The following DOK6 variants were observed in gnomAD, a reference collection of about 807,000 sequenced individuals.
DOK6 encodes downstream of tyrosine kinase 6.
A neutral mutation model predicts 44.0 loss-of-function variants in DOK6; 22 were observed. The ratio of observed to expected loss-of-function variants is 0.50; its 90% CI spans 0.36 to 0.71. The LOEUF (loss-of-function observed/expected upper bound fraction) is 0.71, where lower values mean the gene tolerates loss of function less well. Ranked by LOEUF, DOK6 falls within the 30% of genes least tolerant of loss-of-function variation. The pLI is 0.00. For synonymous variants in DOK6, 166 were observed against 145.5 expected (o/e 1.14, Z -1.01); for missense variants, 340 against 416.4 (o/e 0.82, Z 1.60).
In DOK6 at chr18:69,720,209, A is replaced by G. The variant is rs112697818; in HGVS notation, c.600-18756A>G. ...CTCAAAAAAAAAATTTTTTTTTTAA[A>G]GCATGAAACCATGATCTAACCAACA... is the stretch of plus-strand genomic sequence containing the variant. On this transcript the variant is annotated intron_variant, in intron 5 of 7. Coordinates refer to ENST00000382713, the MANE Select transcript of DOK6 (RefSeq NM_152721.6). Among the ~76,000 whole-genome samples, 633 of 152,232 alleles carry G rather than the reference A, an allele frequency of 4.2e-3. 3 individuals carry two copies. The highest frequency in any genetic ancestry group is 0.014 in the African/African-American group (577 of 41,548).
intron 2 of DOK6, among the ~76,000 whole-genome samples, chr18:69,594,132 T>C (rs949672329): frequency 1.3e-5 from 2 of 152,170 alleles, no homozygotes; most frequent in East Asian, 3.9e-4. Context: ...AAAAACTTCA[T>C]ATTTCTCTCC....
At chr18:69,454,968 G>A (rs1348613667) in intron 1 of DOK6, among the ~76,000 whole-genome samples, 2 of 143,066 alleles carry the variant, frequency 1.4e-5, no homozygotes, top group South Asian at 2.3e-4. Context: ...TAGATGACGA[G>A]TTAGTGGGTG....
chr18:69,811,531 T>C (rs59014210), intron 7 of DOK6, among the ~76,000 whole-genome samples: 1,690 of 13,266 alleles, frequency 0.13, 46 homozygotes, highest in African/African-American at 0.23. Flanking sequence ...CCATTATATA[T>C]ATATATATAT....
At chr18:69,538,463 G>T (rs182163921) in intron 1 of DOK6, among the ~76,000 whole-genome samples, 1 of 151,930 alleles carries the variant, frequency 6.6e-6, no homozygotes, top group Non-Finnish European at 1.5e-5. Flanking sequence ...ACTCCCTGCA[G>T]CCTTGACCTC....
At chr18:69,833,321 C>G (rs1981955024) in intron 7 of DOK6, among the ~76,000 whole-genome samples, 1 of 152,120 alleles carries the variant, frequency 6.6e-6, no homozygotes, top group African/African-American at 2.4e-5. Flanking sequence ...AAAGGACAGT[C>G]TGCTTAATAA....
chr18:69,756,724 G>A (rs1372978910), intron 6 of DOK6, among the ~76,000 whole-genome samples: 4 of 152,112 alleles, frequency 2.6e-5, no homozygotes, highest in South Asian at 4.1e-4. Flanking sequence ...TCCAAGCATC[G>A]AGGACCAGGC....
At chr18:69,679,929 C>G (rs1986007925) in intron 4 of DOK6, among the ~76,000 whole-genome samples, 2 of 151,804 alleles carry the variant, frequency 1.3e-5, no homozygotes, top group African/African-American at 4.8e-5. Context: ...CAGAAGGTGA[C>G]TTTAAAACAC....
intron 1 of DOK6, among the ~76,000 whole-genome samples, chr18:69,558,346 T>A (rs1199163628): frequency 2.6e-5 from 4 of 152,160 alleles, no homozygotes; most frequent in Non-Finnish European, 5.9e-5. Context: ...GATTTTACAT[T>A]GACACAGAAT....
chr18:69,648,203 T>C (rs1481477470), intron 3 of DOK6, among the ~76,000 whole-genome samples: 1 of 152,224 alleles, frequency 6.6e-6, no homozygotes, highest in Non-Finnish European at 1.5e-5. Context: ...TATAGTTATT[T>C]ACTATAATTG....
In DOK6 at chr18:69,670,851, C is replaced by G. The variant is rs148180148; in HGVS notation, c.290-6883C>G. Among the ~76,000 whole-genome samples the G allele has an allele frequency of 6.1e-3, 929 of 152,224 alleles. 2 individuals are homozygous for G. Among genetic ancestry groups the G allele is most frequent in the Middle Eastern group, 0.017 (5 of 294 alleles). On this transcript the variant is annotated intron_variant, in intron 3 of 7. Coordinates refer to ENST00000382713, the MANE Select transcript of DOK6 (RefSeq NM_152721.6). ...TTGGCATCTATTAAGAATTCTCCCCCAATGCTGGCTTTCCATCACAGAAAT... is the reference window on the plus strand; with the variant it reads ...TTGGCATCTATTAAGAATTCTCCCCGAATGCTGGCTTTCCATCACAGAAAT...
intron 1 of DOK6, among the ~76,000 whole-genome samples, chr18:69,504,949 GTTC>G (rs1981142189): frequency 1.3e-5 from 2 of 152,078 alleles, no homozygotes; most frequent in Admixed American, 6.6e-5. Flanking sequence ...GAAGCTCTCC[GTTC>G]TTCTCCTTCT....
rs143557108 is a variant in DOK6, at chr18:69,786,529, G to A, written c.856+28656G>A. 6.4e-3 allele frequency among the ~76,000 whole-genome samples: 972 copies of A among 152,294 alleles called. 14 individuals are homozygous for A. Among genetic ancestry groups the A allele is most frequent in the African/African-American group, 0.022 (917 of 41,560 alleles). On this transcript the variant is annotated intron_variant, in intron 7 of 7. Coordinates refer to ENST00000382713, the MANE Select transcript of DOK6 (RefSeq NM_152721.6). ...AAGTGTTGGGGGAAATTTGAGTGGTGAGATCAATTAATTTTCCTCAGAACT... is the reference window on the plus strand; with the variant it reads ...AAGTGTTGGGGGAAATTTGAGTGGTAAGATCAATTAATTTTCCTCAGAACT...
chr18:69,595,758 T>C (rs1270271068), intron 2 of DOK6, among the ~76,000 whole-genome samples: 3 of 152,200 alleles, frequency 2.0e-5, no homozygotes, highest in Non-Finnish European at 4.4e-5. Flanking sequence ...TTATGAGTTA[T>C]GAGATTAATA....
intron 7 of DOK6, among the ~76,000 whole-genome samples, chr18:69,793,301 A>G (rs974223075): frequency 5.9e-5 from 9 of 152,196 alleles, no homozygotes; most frequent in Non-Finnish European, 1.3e-4. Context: ...ATAGTTATCT[A>G]CAAATACAAG....
intron 7 of DOK6, among the ~76,000 whole-genome samples, chr18:69,811,251 A>T (rs557321336): frequency 6.6e-6 from 1 of 151,908 alleles, no homozygotes; most frequent in African/African-American, 2.4e-5. Context: ...TGGAATCTTA[A>T]AAAGTTGAAC....
intron 7 of DOK6, among the ~76,000 whole-genome samples, chr18:69,810,295 A>G (rs529769146): frequency 2.5e-4 from 38 of 152,030 alleles, no homozygotes; most frequent in Non-Finnish European, 3.4e-4. Flanking sequence ...ATCTCACATA[A>G]TATACAAAAA....
At chr18:69,839,975 T>C (rs186453740) in intron 7 of DOK6, among the ~76,000 whole-genome samples, 16 of 152,374 alleles carry the variant, frequency 1.1e-4, no homozygotes, top group Admixed American at 3.3e-4. Flanking sequence ...TTTTGACATT[T>C]AAATGGTTCT....
At chr18:69,652,814 ATAT>A (rs1187798280) in intron 3 of DOK6, among the ~76,000 whole-genome samples, 1 of 152,290 alleles carries the variant, frequency 6.6e-6, no homozygotes, top group African/African-American at 2.4e-5. Context: ...ACAAAGGAAC[ATAT>A]TATTTTTACT....
chr18:69,425,885 A>G (rs1978622683), intron 1 of DOK6, among the ~76,000 whole-genome samples: 1 of 152,172 alleles, frequency 6.6e-6, no homozygotes, highest in Non-Finnish European at 1.5e-5. Flanking sequence ...TTTTAACACT[A>G]GCATAATAGA....
Sources: gnomAD v4.1 joint callset for allele counts (sites outside exome capture counted in the v4.1 genomes callset) on GRCh38, gnomAD v4.1.1 for gene constraint, MANE v1.5 for transcripts, NCBI Gene and HGNC (gene_info 2026-07-23, HGNC 2026-07-21) for gene names.